SERINC5: variants seen among roughly 807,000 people sequenced by gnomAD.
SERINC5 encodes the protein serine incorporator 5.
In SERINC5, 41 loss-of-function variants were observed where a neutral mutation model predicts 63.1. The observed-to-expected ratio is 0.65, with a 90% CI of 0.51 to 0.84. The LOEUF is 0.84. Ranked by LOEUF, SERINC5 falls within the 40% of genes least tolerant of loss-of-function variation. The pLI is 0.00. For synonymous variants in SERINC5, 222 were observed against 215.2 expected (o/e 1.03, Z -0.28); for missense variants, 523 against 573.0 (o/e 0.91, Z 0.89).
chr5:80,255,678 C>G (rs1470475240), intron 1 of SERINC5, among the ~76,000 whole-genome samples: 1 of 152,180 alleles, frequency 6.6e-6, no homozygotes, highest in Non-Finnish European at 1.5e-5. Context: ...CGGGAAGACC[C>G]CGGGGTAGCC....
intron 2 of SERINC5, among the ~76,000 whole-genome samples, chr5:80,191,480 A>C (rs1404186450): frequency 2.0e-5 from 2 of 102,216 alleles, no homozygotes; most frequent in African/African-American, 3.8e-5. Flanking sequence ...CCATCTCTAC[A>C]AAAAAAAAAA....
chr5:80,207,784 T>A (rs948168501), intron 1 of SERINC5, among the ~76,000 whole-genome samples: 2 of 152,216 alleles, frequency 1.3e-5, no homozygotes, highest in African/African-American at 4.8e-5. Flanking sequence ...CAAAGTAAAC[T>A]ATGCTAATAA....
intron 1 of SERINC5, among the ~76,000 whole-genome samples, chr5:80,205,818 A>G (rs1750125086): frequency 6.6e-6 from 1 of 152,124 alleles, no homozygotes; most frequent in South Asian, 2.1e-4. Context: ...CTGTAATCCC[A>G]GCACTTTAGG....
At chr5:80,177,477 C>T (rs1748113117) in intron 3 of SERINC5, 80 bp from the exon 4 acceptor site, 1 of 1,061,232 alleles carries the variant, frequency 9.4e-7, no homozygotes, top group Non-Finnish European at 1.4e-6. Flanking sequence ...GAAGGTACAG[C>T]ATGTCAATCC....
At chr5:80,180,891 G>A (rs1408019964) in intron 2 of SERINC5, among the ~76,000 whole-genome samples, 4 of 152,168 alleles carry the variant, frequency 2.6e-5, no homozygotes, top group Admixed American at 2.0e-4. Flanking sequence ...CCGTGGACAG[G>A]GAGCTAGACT....
intron 1 of SERINC5, among the ~76,000 whole-genome samples, chr5:80,220,681 TA>T (rs1246128773): frequency 6.6e-6 from 1 of 151,874 alleles, no homozygotes; most frequent in Non-Finnish European, 1.5e-5. Context: ...GCCTCTGAGG[TA>T]GGCGCCTCTG....
At chr5:80,152,439 G>A (rs1204808954) in intron 8 of SERINC5, among the ~76,000 whole-genome samples, 2 of 150,212 alleles carry the variant, frequency 1.3e-5, no homozygotes, top group Non-Finnish European at 2.9e-5. Context: ...AGGTTGTAGT[G>A]AGCATGATCA....
At chr5:80,237,705 T>C (rs1453359501) in intron 1 of SERINC5, among the ~76,000 whole-genome samples, 1 of 151,932 alleles carries the variant, frequency 6.6e-6, no homozygotes, top group African/African-American at 2.4e-5. Flanking sequence ...GAAATGAGCA[T>C]TGGTGTTCCT....
At chr5:80,248,344 G>A (rs983195465) in intron 1 of SERINC5, among the ~76,000 whole-genome samples, 1 of 152,116 alleles carries the variant, frequency 6.6e-6, no homozygotes, top group African/African-American at 2.4e-5. Flanking sequence ...TCTGATAACC[G>A]AGATGGCTCC....
At position 80,220,631 on chromosome 5, in the gene SERINC5, G is replaced by A. The variant is rs182200806; in HGVS notation, c.28-17578C>T. On this transcript the variant is annotated intron_variant, in intron 1 of 11. Transcript: ENST00000507668. ...CCTCAACACTCAGGGAGCCCCAAGT[G>A]GAGAGCTAGTTTGGGGCCAGGACAC... Among the ~76,000 whole-genome samples the A allele has an allele frequency of 1.8e-3, 274 of 152,294 alleles. 3 individuals are homozygous for A. The South Asian group carries it at 0.03, about 17-fold the overall frequency.
chr5:80,197,308 TGAGAGAGAGA>T (rs34195156), intron 2 of SERINC5, among the ~76,000 whole-genome samples: 6,607 of 135,574 alleles, frequency 0.049, 227 homozygotes, highest in Non-Finnish European at 0.061. Flanking sequence ...ACTCCATCTG[TGAGAGAGAGA>T]GAGAGAGAGA....
intron 1 of SERINC5, among the ~76,000 whole-genome samples, chr5:80,207,064 T>A (rs1395383371): frequency 6.6e-6 from 1 of 152,244 alleles, no homozygotes; most frequent in South Asian, 2.1e-4. Flanking sequence ...AGTGGCACGA[T>A]CTTGGCTCAC....
chr5:80,229,050 T>TGGGGGGGGGC (rs1174325559), intron 1 of SERINC5, among the ~76,000 whole-genome samples: 3 of 94,164 alleles, frequency 3.2e-5, no homozygotes, highest in East Asian at 3.5e-4. Flanking sequence ...TTTTTTTTTT[T>TGGGGGGGGGC]GGGGATGGAG....
At chr5:80,222,783 A>C (rs868494221) in intron 1 of SERINC5, among the ~76,000 whole-genome samples, 1 of 152,030 alleles carries the variant, frequency 6.6e-6, no homozygotes, top group African/African-American at 2.4e-5. Flanking sequence ...CATGCTGTCC[A>C]GGCTGGTCTC....
At chr5:80,230,170 A>T (rs1751373323) in intron 1 of SERINC5, among the ~76,000 whole-genome samples, 1 of 151,988 alleles carries the variant, frequency 6.6e-6, no homozygotes, top group Non-Finnish European at 1.5e-5. Context: ...CAAACCTCAC[A>T]CCTGACCAAA....
At chr5:80,171,982 A>G (rs1747698404) in intron 5 of SERINC5, among the ~76,000 whole-genome samples, 1 of 152,220 alleles carries the variant, frequency 6.6e-6, no homozygotes, top group African/African-American at 2.4e-5. Flanking sequence ...TATATAACAT[A>G]TATGTATCAA....
At chr5:80,172,208 T>C (rs923749656) in intron 5 of SERINC5, among the ~76,000 whole-genome samples, 1 of 152,028 alleles carries the variant, frequency 6.6e-6, no homozygotes, top group Non-Finnish European at 1.5e-5. Context: ...TGCATGCCTG[T>C]AATCCCAGCT....
At chr5:80,199,361 T>G (rs536362409) in intron 2 of SERINC5, among the ~76,000 whole-genome samples, 1 of 152,198 alleles carries the variant, frequency 6.6e-6, no homozygotes, top group Non-Finnish European at 1.5e-5. Context: ...GTGAGTACAG[T>G]GCTGATGAAG....
At chr5:80,114,859 T>C (rs1383872818) in intron 11 of SERINC5, among the ~76,000 whole-genome samples, 1 of 151,984 alleles carries the variant, frequency 6.6e-6, no homozygotes, top group African/African-American at 2.4e-5. Context: ...CAAATAACTC[T>C]GACTAGGAAT....
Sources: gnomAD v4.1 joint callset for allele counts (sites outside exome capture counted in the v4.1 genomes callset) on GRCh38, gnomAD v4.1.1 for gene constraint, MANE v1.5 for transcripts, NCBI Gene and HGNC (gene_info 2026-07-23, HGNC 2026-07-21) for gene names.